Variants in ROBO2 observed in about 807,000 individuals in gnomAD.
The protein encoded by ROBO2 is roundabout guidance receptor 2.
A neutral mutation model predicts 160.8 loss-of-function variants in ROBO2; 53 were observed. The ratio of observed to expected loss-of-function variants is 0.33; its 90% CI spans 0.26 to 0.41. The LOEUF is 0.41. Among genes scored for constraint, ROBO2 ranks in the 10% least tolerant of loss-of-function variants. The pLI is 1.00. For missense variants in ROBO2, 1,577 were observed against 1,722.4 expected, an observed-to-expected ratio of 0.92 and a Z score of 1.49; for synonymous variants, 664 against 611.7, an observed-to-expected ratio of 1.09 and a Z score of -1.26.
intron 2 of ROBO2, among the ~76,000 whole-genome samples, chr3:76,811,815 TTC>T (rs2065192243): frequency 1.4e-5 from 1 of 74,006 alleles, no homozygotes; most frequent in Non-Finnish European, 2.9e-5. Flanking sequence ...CCTTCCTTCC[TTC>T]CTTCCTTCCT....
chr3:75,993,768 T>A (rs557424730), intron 2 of ROBO2, among the ~76,000 whole-genome samples: 2 of 152,228 alleles, frequency 1.3e-5, no homozygotes, highest in African/African-American at 4.8e-5. Flanking sequence ...CTCATGACAA[T>A]GAGAAGAAAT....
chr3:76,117,832 G>A (rs2070543465), intron 2 of ROBO2, among the ~76,000 whole-genome samples: 1 of 152,150 alleles, frequency 6.6e-6, no homozygotes, highest in South Asian at 2.1e-4. Flanking sequence ...TTTCATAAAT[G>A]TATTTGATAA....
At chr3:76,488,618 A>G (rs2079628857) in intron 2 of ROBO2, among the ~76,000 whole-genome samples, 1 of 152,112 alleles carries the variant, frequency 6.6e-6, no homozygotes, top group South Asian at 2.1e-4. Flanking sequence ...TCCTATCTAA[A>G]TACTCTCCCT....
intron 2 of ROBO2, among the ~76,000 whole-genome samples, chr3:76,690,340 T>G (rs1414991433): frequency 6.6e-6 from 1 of 152,040 alleles, no homozygotes; most frequent in Non-Finnish European, 1.5e-5. Context: ...ACATGGGGCC[T>G]GGAAGAGGTG....
intron 2 of ROBO2, among the ~76,000 whole-genome samples, chr3:76,070,209 C>T (rs529181161): frequency 3.2e-4 from 48 of 152,168 alleles, no homozygotes; most frequent in Non-Finnish European, 3.8e-4. Flanking sequence ...GTGAGCCGGG[C>T]GGAACAGAGC....
chr3:76,293,976 C>T (rs1347593896), intron 2 of ROBO2, among the ~76,000 whole-genome samples: 2 of 152,142 alleles, frequency 1.3e-5, no homozygotes, highest in South Asian at 2.1e-4. Context: ...CCACCACCCT[C>T]GGTCCCCACT....
At chr3:77,362,595 CTG>C (rs1242745604) in intron 2 of ROBO2, among the ~76,000 whole-genome samples, 5 of 152,066 alleles carry the variant, frequency 3.3e-5, no homozygotes, top group Non-Finnish European at 7.4e-5. Flanking sequence ...AGGAGGCTGA[CTG>C]AATTTTGGTT....
At chr3:76,929,554 C>T (rs1406504557) in intron 2 of ROBO2, among the ~76,000 whole-genome samples, 1 of 152,204 alleles carries the variant, frequency 6.6e-6, no homozygotes, top group Non-Finnish European at 1.5e-5. Flanking sequence ...AATTGTTCTC[C>T]CTGCTTCCAC....
intron 2 of ROBO2, among the ~76,000 whole-genome samples, chr3:76,915,023 C>A (rs1179281232): frequency 6.6e-6 from 1 of 152,154 alleles, no homozygotes; most frequent in Non-Finnish European, 1.5e-5. Context: ...CTTCCTCTAC[C>A]CCTCTTTAAA....
chr3:76,549,601 T>G (rs2083300584), intron 2 of ROBO2, among the ~76,000 whole-genome samples: 1 of 152,208 alleles, frequency 6.6e-6, no homozygotes, highest in Admixed American at 6.5e-5. Flanking sequence ...ATTCCATCAA[T>G]ATACCCTTTC....
At chr3:76,398,666 A>G (rs2077625608) in intron 2 of ROBO2, among the ~76,000 whole-genome samples, 1 of 151,858 alleles carries the variant, frequency 6.6e-6, no homozygotes, top group South Asian at 2.1e-4. Flanking sequence ...TAAACTAAAT[A>G]TACTAGTAGT....
intron 2 of ROBO2, among the ~76,000 whole-genome samples, chr3:76,579,263 C>A (rs1208674523): frequency 6.6e-6 from 1 of 152,160 alleles, no homozygotes; most frequent in Non-Finnish European, 1.5e-5. Context: ...ATCTTTACCA[C>A]AGAATTCTCT....
At chr3:76,212,039 G>A (rs1703178205) in intron 2 of ROBO2, among the ~76,000 whole-genome samples, 1 of 151,886 alleles carries the variant, frequency 6.6e-6, no homozygotes, top group Non-Finnish European at 1.5e-5. Context: ...TGCATTTCAT[G>A]TTTATACAAA....
chr3:76,484,236 G>C (rs1033640529), intron 2 of ROBO2, among the ~76,000 whole-genome samples: 4 of 152,050 alleles, frequency 2.6e-5, no homozygotes, highest in Admixed American at 6.6e-5. Flanking sequence ...TGATCCACTG[G>C]CCTTTAAGTC....
chr3:76,472,868 G>T (rs1329469233), intron 2 of ROBO2, among the ~76,000 whole-genome samples: 1 of 152,030 alleles, frequency 6.6e-6, no homozygotes, highest in Non-Finnish European at 1.5e-5. Flanking sequence ...GTGATCGCTG[G>T]GACAGCATGT....
chr3:76,859,371 T>G (rs574279120), intron 2 of ROBO2, among the ~76,000 whole-genome samples: 1 of 152,306 alleles, frequency 6.6e-6, no homozygotes, highest in South Asian at 2.1e-4. Context: ...AATATCTTTG[T>G]GAACAGCTCA....
chr3:76,379,337 AT>A (rs1265572273), intron 2 of ROBO2, among the ~76,000 whole-genome samples: 1 of 152,134 alleles, frequency 6.6e-6, no homozygotes, highest in East Asian at 1.9e-4. Context: ...CTACACTTTT[AT>A]TTTTTCAATA....
chr3:76,556,148 G>GA lies in ROBO2; in HGVS notation c.110-541860dup, dbSNP rs1436344788. ...TGGAAGAAAGTGAGAAAGAAAGAAA[G>GA]AAAAAAGAAAAACTCCATAGGTTGT... On this transcript the variant is annotated intron_variant, in intron 2 of 26. Transcript: ENST00000487694. Among the ~76,000 whole-genome samples the GA allele has an allele frequency of 2.6e-5, 4 of 151,750 alleles. No individual in the cohort carries two copies. In the East Asian group the frequency reaches 5.8e-4, roughly 22 times the overall value.
intron 2 of ROBO2, among the ~76,000 whole-genome samples, chr3:77,293,843 G>A (rs1473869471): frequency 7.0e-6 from 1 of 142,188 alleles, no homozygotes; most frequent in Non-Finnish European, 1.5e-5. Context: ...GGTTAAACGG[G>A]TAGGCTGAGG....
Sources: gnomAD v4.1 joint callset for allele counts (sites outside exome capture counted in the v4.1 genomes callset) on GRCh38, gnomAD v4.1.1 for gene constraint, MANE v1.5 for transcripts, NCBI Gene and HGNC (gene_info 2026-07-23, HGNC 2026-07-21) for gene names.